The following AGBL4 variants were observed in gnomAD, a reference collection of about 807,000 sequenced individuals.
AGBL4 encodes cytosolic carboxypeptidase 6.
A neutral mutation model predicts 66.4 loss-of-function variants in AGBL4; 58 were observed. That is an observed-to-expected ratio of 0.87 (90% confidence interval 0.71 to 1.09). AGBL4 has a LOEUF of 1.09. Ranked by LOEUF, AGBL4 falls within the 50% of genes least tolerant of loss-of-function variation. The pLI, the probability that AGBL4 is intolerant of heterozygous loss-of-function variation, is 0.00. For synonymous variants in AGBL4, 234 were observed against 222.9 expected (o/e 1.05, Z -0.44); for missense variants, 579 against 631.0 (o/e 0.92, Z 0.88).
At chr1:49,258,240 G>T (rs1247859628) in intron 3 of AGBL4, among the ~76,000 whole-genome samples, 2 of 152,170 alleles carry the variant, frequency 1.3e-5, no homozygotes, top group Non-Finnish European at 2.9e-5. Context: ...ACTCTAAAAA[G>T]CAGAGCGCCT....
At chr1:49,028,543 A>G (rs1040606847) in intron 5 of AGBL4, among the ~76,000 whole-genome samples, 30 of 152,210 alleles carry the variant, frequency 2.0e-4, no homozygotes, top group Non-Finnish European at 3.8e-4. Context: ...ATGAAAGCTT[A>G]GCACAAAGAG....
At chr1:49,372,324 G>C (rs1186731234) in intron 3 of AGBL4, among the ~76,000 whole-genome samples, 1 of 151,902 alleles carries the variant, frequency 6.6e-6, no homozygotes, top group Non-Finnish European at 1.5e-5. Flanking sequence ...CCTATTCTGG[G>C]GCTTATTTTT....
rs151306523 is a variant in AGBL4 at position 49,437,523 on chromosome 1, T to C, written c.283-191659A>G. Among the ~76,000 whole-genome samples, 311 of 152,314 alleles carry C rather than the reference T, an allele frequency of 2.0e-3. 3 individuals carry two copies. In the East Asian group the frequency reaches 0.031, roughly 15 times the overall value. On this transcript the variant is annotated intron_variant, in intron 3 of 13. Coordinates refer to ENST00000371839, the MANE Select transcript of AGBL4 (RefSeq NM_032785.4). ...TGTATTCTCTAGCTTATGGAGGCTATCTGGAAGAAATACCTTACGTTTTTA... is the reference window on the plus strand; with the variant it reads ...TGTATTCTCTAGCTTATGGAGGCTACCTGGAAGAAATACCTTACGTTTTTA...
At chr1:49,650,207 TGA>T (rs1645974870) in intron 3 of AGBL4, among the ~76,000 whole-genome samples, 2 of 152,140 alleles carry the variant, frequency 1.3e-5, no homozygotes, top group Admixed American at 1.3e-4. Flanking sequence ...GGTCATGATC[TGA>T]GTGGAAAGCT....
chr1:48,715,411 G>T (rs993116108), intron 6 of AGBL4, among the ~76,000 whole-genome samples: 3 of 152,100 alleles, frequency 2.0e-5, no homozygotes, highest in African/African-American at 7.2e-5. Context: ...TGCTTGACTA[G>T]TCCCTGGGTG....
intron 3 of AGBL4, among the ~76,000 whole-genome samples, chr1:49,661,165 T>C (rs958589987): frequency 1.3e-5 from 2 of 152,126 alleles, no homozygotes; most frequent in Non-Finnish European, 2.9e-5. Context: ...GATATACCTA[T>C]GGCAAATAAC....
At chr1:48,596,924 G>A (rs1645002993) in intron 9 of AGBL4, among the ~76,000 whole-genome samples, 1 of 152,080 alleles carries the variant, frequency 6.6e-6, no homozygotes, top group Non-Finnish European at 1.5e-5. Flanking sequence ...GGAACCAAGG[G>A]GATGGGCCAC....
chr1:49,805,169 T>C (rs1571605615), intron 2 of AGBL4, among the ~76,000 whole-genome samples: 1 of 152,146 alleles, frequency 6.6e-6, no homozygotes. Flanking sequence ...CAAGGGAGTT[T>C]CGTATGTATT....
intron 5 of AGBL4, among the ~76,000 whole-genome samples, chr1:48,917,634 G>A (rs1341741782): frequency 6.6e-6 from 1 of 152,186 alleles, no homozygotes; most frequent in African/African-American, 2.4e-5. Flanking sequence ...GCCTCAAACT[G>A]ACATTGTGCC....
chr1:49,738,654 C>A (rs965778015), intron 2 of AGBL4, among the ~76,000 whole-genome samples: 5 of 152,218 alleles, frequency 3.3e-5, no homozygotes, highest in Non-Finnish European at 7.3e-5. Context: ...GAGGCACCCC[C>A]CAGTAGGGGC....
At chr1:49,468,064 A>C (rs1370288418) in intron 3 of AGBL4, among the ~76,000 whole-genome samples, 1 of 150,670 alleles carries the variant, frequency 6.6e-6, no homozygotes, top group Non-Finnish European at 1.5e-5. Flanking sequence ...ATCTTTAGAC[A>C]AATAAAATTG....
At chr1:49,860,738 G>A (rs1646549236) in intron 1 of AGBL4, among the ~76,000 whole-genome samples, 1 of 148,926 alleles carries the variant, frequency 6.7e-6, no homozygotes, top group Non-Finnish European at 1.5e-5. Flanking sequence ...TAAAGAAATA[G>A]AAAGCTCCAT....
chr1:48,818,707 T>TA (rs1363380579), intron 6 of AGBL4, among the ~76,000 whole-genome samples: 1 of 152,076 alleles, frequency 6.6e-6, no homozygotes, highest in East Asian at 1.9e-4. Context: ...ACTGTAATAT[T>TA]AAGAGAAAAA....
chr1:49,020,350 CCA>C (rs1457226266), intron 5 of AGBL4, among the ~76,000 whole-genome samples: 1 of 152,202 alleles, frequency 6.6e-6, no homozygotes, highest in Non-Finnish European at 1.5e-5. Context: ...GGAACCTCAT[CCA>C]CACTTTCCAT....
chr1:49,809,206 T>C (rs1032146426), intron 2 of AGBL4, among the ~76,000 whole-genome samples: 12 of 152,074 alleles, frequency 7.9e-5, no homozygotes, highest in Admixed American at 5.9e-4. Flanking sequence ...GTGCACAACA[T>C]GCAGGTTTGT....
chr1:49,562,565 A>G (rs1644077427), intron 3 of AGBL4, among the ~76,000 whole-genome samples: 1 of 152,120 alleles, frequency 6.6e-6, no homozygotes, highest in Admixed American at 6.6e-5. Context: ...TTAAATAGGG[A>G]ATCCTTTCCC....
chr1:49,281,483 C>T (rs888361029), intron 3 of AGBL4, among the ~76,000 whole-genome samples: 2 of 152,198 alleles, frequency 1.3e-5, no homozygotes, highest in African/African-American at 4.8e-5. Context: ...GCTTTCCTGT[C>T]TGTTTGCTCA....
chr1:49,364,315 C>T (rs1644200728), intron 3 of AGBL4, among the ~76,000 whole-genome samples: 1 of 152,106 alleles, frequency 6.6e-6, no homozygotes, highest in African/African-American at 2.4e-5. Flanking sequence ...TCCAGCTAAA[C>T]CTCTAGACTA....
chr1:48,658,692 G>GAGA (rs1284998724), intron 7 of AGBL4, among the ~76,000 whole-genome samples: 1 of 103,806 alleles, frequency 9.6e-6, no homozygotes, highest in African/African-American at 2.9e-5. Flanking sequence ...GTTTGGGATA[G>GAGA]CGAGAAGAGG....
Sources: allele counts gnomAD v4.1 joint callset (sites outside exome capture counted in the v4.1 genomes callset), GRCh38; gene constraint gnomAD v4.1.1; transcripts MANE v1.5; gene names NCBI Gene and HGNC (gene_info 2026-07-23, HGNC 2026-07-21).